The following ATXN7 variants were observed in gnomAD, a reference collection of about 807,000 sequenced individuals.
ATXN7 encodes ataxin-7.
A neutral mutation model predicts 70.5 loss-of-function variants in ATXN7; 12 were observed. That is an observed-to-expected ratio of 0.17 (90% CI 0.11 to 0.28). The LOEUF (loss-of-function observed/expected upper bound fraction) is 0.28, where lower values mean the gene tolerates loss of function less well. Among genes scored for constraint, ATXN7 ranks in the 10% least tolerant of loss-of-function variants. The probability of loss-of-function intolerance (pLI) is 1.00; values close to 1 mark genes in which losing one functional copy is unlikely to be tolerated. For missense variants in ATXN7, 1,256 were observed against 1,131.7 expected (o/e 1.11, Z -1.58); for synonymous variants, 498 against 448.7 (o/e 1.11, Z -1.39).
In ATXN7 at chr3:63,995,570, C is replaced by G; in HGVS notation, c.1748C>G (p.Ser583Cys). ...ISTRIPHRTN[S>C]VPTSQCGVSY... ...ACACGTATTCCTCACCGGACAAACT[C>G]TGTGCCGACATCACAATGTGGAGTC... The change falls in exon 12 of 13, where the codon TCT (serine) becomes TGT (cysteine). Residue 583 changes from serine to cysteine, a missense_variant. Transcript: ENST00000674280. The G allele has an allele frequency of 1.9e-6, 3 of 1,614,226 alleles. No homozygotes were observed. Among genetic ancestry groups the G allele is most frequent in the Non-Finnish European group, 2.5e-6 (3 of 1,180,040 alleles).
At chr3:63,913,013 C>T (rs1460545777) in intron 3 of ATXN7, 90 bp downstream of exon 3, 7 of 1,416,318 alleles carry the variant, frequency 4.9e-6, no homozygotes, top group Admixed American at 2.0e-5. Flanking sequence ...TGTGACCCGC[C>T]CCCTCGAGGG....
Position 63,996,043 on chromosome 3 carries a change from C to T in ATXN7, c.2221C>T (p.His741Tyr). The stretch of plus-strand genomic sequence containing the variant: ...GTCTTTTAGGAAAAACTGTGTGGCT[C>T]ACTCTGGGCCTCCCTACCCCTCAAC... ...MESFRKNCVA[H>Y]SGPPYPSTVT... The change falls in exon 12 of 13, where the codon CAC (histidine) becomes TAC (tyrosine). Residue 741 changes from histidine to tyrosine, a missense_variant. Transcript: ENST00000674280. 1 of 1,614,170 alleles carries T rather than the reference C, an allele frequency of 6.2e-7. No individual in the cohort carries two copies. Among genetic ancestry groups the T allele is most frequent in the Non-Finnish European group, 8.5e-7 (1 of 1,180,034 alleles).
At position 63,995,830 on chromosome 3, in the gene ATXN7, A is replaced by C; in HGVS notation, c.2008A>C (p.Lys670Gln). Residue 670 changes from lysine (K) to glutamine (Q), a missense_variant, in exon 12 of 13, where the codon AAA becomes CAA. Transcript: ENST00000674280. ...GGTTCCTTCCTCCCCCATGTCCAGG[A>C]AACCTCAGAAATTGAAATCCAGCAA... The part of the protein sequence containing the change: ...SSVPSSPMSR[K>Q]PQKLKSSKSL... 6.2e-7 allele frequency: 1 copy of C among 1,614,196 alleles called. No individual in the cohort carries two copies. The highest frequency in any genetic ancestry group is 8.5e-7 in the Non-Finnish European group (1 of 1,180,032).
chr3:63,887,818 C>G (rs1326339949), intron 1 of ATXN7, among the ~76,000 whole-genome samples: 1 of 151,716 alleles, frequency 6.6e-6, no homozygotes, highest in Non-Finnish European at 1.5e-5. Flanking sequence ...AACGATCCAC[C>G]TGCCTCAGCT....
Position 63,912,620 on chromosome 3 carries a change from G to T in ATXN7, c.22G>T (p.Asp8Tyr). 1 of 1,065,032 alleles carries T rather than the reference G, an allele frequency of 9.4e-7. No individual in the cohort carries two copies. The highest frequency in any genetic ancestry group is 1.1e-6 in the Non-Finnish European group (1 of 870,624). 66.0% of individuals were successfully genotyped at this position (1,065,032 alleles called of 1,614,324 possible). ...AAGAATGTCGGAGCGGGCCGCGGAT[G>T]ACGTCAGGGGGGAGCCGCGCCGCGC... is the stretch of plus-strand genomic sequence containing the variant. MSERAAD[D>Y]VRGEPRRAAA... Residue 8 changes from aspartate (D) to tyrosine (Y), a missense_variant, in exon 3 of 13, where the codon GAC becomes TAC. Transcript: ENST00000674280.
upstream of ATXN7, chr3:63,863,479 C>G (rs902699208): frequency 3.4e-6 from 4 of 1,166,976 alleles, no homozygotes; most frequent in Non-Finnish European, 4.2e-6. Context: ...GTGTTCCCAG[C>G]CCACCGACCA....
chr3:63,868,370 C>T (rs1702497175), intron 1 of ATXN7, among the ~76,000 whole-genome samples: 1 of 152,152 alleles, frequency 6.6e-6, no homozygotes, highest in South Asian at 2.1e-4. Flanking sequence ...TGTTGGGAGG[C>T]TAGCTAGAAG....
chr3:63,913,409 A>G (rs2107299590), intron 4 of ATXN7, among the ~76,000 whole-genome samples, 184 bp downstream of exon 4: 1 of 152,212 alleles, frequency 6.6e-6, no homozygotes, highest in South Asian at 2.1e-4. Context: ...GGCCTCCTGT[A>G]ATGAGAGCGT....
Position 63,980,167 on chromosome 3 carries a change from TGTGA to T in ATXN7, c.752+3_752+6del. 1 of 1,614,110 alleles carries T rather than the reference TGTGA, an allele frequency of 6.2e-7. No individual in the cohort carries two copies. The highest frequency in any genetic ancestry group is 8.5e-7 in the Non-Finnish European group (1 of 1,180,004). Reference sequence around the variant, plus strand: ...CAAAGTAGAGTTCCCCATGGTAGAATGTGAGTATGGCCAAGAGGGTTTTTAAAGC... The same window carrying T: ...CAAAGTAGAGTTCCCCATGGTAGAATGTATGGCCAAGAGGGTTTTTAAAGC... On this transcript the variant is annotated splice_donor_variant and splice_donor_region_variant and intron_variant, in intron 6 of 12. Transcript: ENST00000674280. LOFTEE classifies it high-confidence loss of function.
chr3:63,963,673 C>T (rs1313687083), intron 5 of ATXN7, among the ~76,000 whole-genome samples: 2 of 152,212 alleles, frequency 1.3e-5, no homozygotes, highest in Non-Finnish European at 2.9e-5. Flanking sequence ...ATTCACAGCC[C>T]TGGATAACAC....
chr3:63,910,785 A>ATAAATCCAG (rs1427802780), intron 2 of ATXN7, among the ~76,000 whole-genome samples: 2 of 152,202 alleles, frequency 1.3e-5, no homozygotes, highest in Non-Finnish European at 2.9e-5. Flanking sequence ...AATCCAGGAA[A>ATAAATCCAG]AAATTTTACA....
At chr3:63,870,881 A>G (rs544940880) in intron 1 of ATXN7, among the ~76,000 whole-genome samples, 1 of 152,178 alleles carries the variant, frequency 6.6e-6, no homozygotes, top group East Asian at 1.9e-4. Flanking sequence ...ACCCCTGGAG[A>G]TTAGCTCTAG....
At chr3:63,980,609 C>A in intron 6 of ATXN7, 1 of 176,262 alleles carries the variant, frequency 5.7e-6, no homozygotes, top group Non-Finnish European at 1.2e-5. Context: ...TTGGGCAAGG[C>A]ACTGTTTCTG....
upstream of ATXN7, chr3:63,863,618 G>A (rs1283594268): frequency 1.7e-6 from 2 of 1,196,390 alleles, no homozygotes; most frequent in African/African-American, 3.2e-5. Context: ...GGGGAGGCCC[G>A]GGGCTCCGGG....
intron 12 of ATXN7, among the ~76,000 whole-genome samples, chr3:63,997,134 T>C (rs1174714990): frequency 6.6e-6 from 1 of 152,232 alleles, no homozygotes; most frequent in East Asian, 1.9e-4. Context: ...GGTGCACGCC[T>C]GTAATCCCAG....
intron 1 of ATXN7, among the ~76,000 whole-genome samples, chr3:63,895,118 A>G (rs898870683): frequency 6.6e-6 from 1 of 152,218 alleles, no homozygotes; most frequent in Admixed American, 6.5e-5. Flanking sequence ...GATTTTGCCT[A>G]GAAGTTAAGA....
chr3:64,003,315 G>A lies in ATXN7; in HGVS notation c.*3848G>A, dbSNP rs987340909. 6.7e-6 allele frequency: 1 copy of A among 149,260 alleles called. No homozygotes were observed. Among genetic ancestry groups the A allele is most frequent in the East Asian group, 2.0e-4 (1 of 5,040 alleles). The allele number at this position is 149,260 out of a possible 1,614,324, so 9.2% of individuals were successfully genotyped here. A position where few individuals can be genotyped will look rare whatever the true frequency, so the allele number is the denominator to read the frequency against. ...ACACATAATCAAGAGCATCTCAGCT[G>A]GACTTTGTGTTGGCTGCTGTATAGA... On this transcript the variant is annotated 3_prime_UTR_variant, in exon 13 of 13. Transcript: ENST00000674280.
At chr3:63,984,858 A>G (rs535705040) in intron 8 of ATXN7, among the ~76,000 whole-genome samples, 2 of 152,230 alleles carry the variant, frequency 1.3e-5, no homozygotes, top group Admixed American at 6.5e-5. Flanking sequence ...TAGATCTCAT[A>G]TAAGTGGAAT....
At chr3:63,928,922 G>A (rs911177731) in intron 4 of ATXN7, among the ~76,000 whole-genome samples, 1 of 152,196 alleles carries the variant, frequency 6.6e-6, no homozygotes, top group African/African-American at 2.4e-5. Flanking sequence ...AGTTCTGGTG[G>A]AGAGGGGGAA....
Sources: allele counts gnomAD v4.1 joint callset (sites outside exome capture counted in the v4.1 genomes callset), GRCh38; gene constraint gnomAD v4.1.1; transcripts MANE v1.5; gene names NCBI Gene and HGNC (gene_info 2026-07-23, HGNC 2026-07-21).